NRXN1: variants seen among roughly 807,000 people sequenced by gnomAD.
NRXN1 encodes the protein neurexin-1.
Under a neutral mutation model 150.9 loss-of-function variants are expected in NRXN1, and 39 were observed. That is an observed-to-expected ratio of 0.26 (90% CI 0.20 to 0.34). NRXN1 has a LOEUF of 0.34. Among genes scored for constraint, NRXN1 ranks in the 10% least tolerant of loss-of-function variants. The pLI, the probability that NRXN1 is intolerant of heterozygous loss-of-function variation, is 1.00. For missense variants in NRXN1, 1,815 were observed against 1,949.9 expected, an observed-to-expected ratio of 0.93 and a Z score of 1.30; for synonymous variants, 924 against 757.0, an observed-to-expected ratio of 1.22 and a Z score of -3.62.
chr2:50,773,624 C>T (rs1217217226), intron 5 of NRXN1, among the ~76,000 whole-genome samples: 2 of 152,104 alleles, frequency 1.3e-5, no homozygotes, highest in Non-Finnish European at 2.9e-5. Flanking sequence ...TTCTCAGAAG[C>T]TATAAGCGCC....
intron 2 of NRXN1, among the ~76,000 whole-genome samples, chr2:50,996,813 G>C (rs1699366448): frequency 6.6e-6 from 1 of 151,994 alleles, no homozygotes; most frequent in Non-Finnish European, 1.5e-5. Context: ...AAGATGGAAA[G>C]TTAAAAACCA....
rs570521084 is a variant in NRXN1, at chr2:50,578,132, C to T, written c.1321-25107G>A. On this transcript the variant is annotated intron_variant, in intron 8 of 22. Coordinates refer to ENST00000401669, the MANE Select transcript of NRXN1 (RefSeq NM_001330078.2). ...CAGAATATTATGAGGACACAACGGC[C>T]CTGAAAATCTTCATTTCCAATATTA... is the stretch of plus-strand genomic sequence containing the variant. 3.9e-5 allele frequency among the ~76,000 whole-genome samples: 6 copies of T among 152,236 alleles called. No individual in the cohort carries two copies. In the East Asian group the frequency reaches 1.2e-3, roughly 29 times the overall value.
At chr2:50,465,669 C>A in intron 16 of NRXN1, 108 bp from the exon 17 acceptor site, 2 of 1,213,732 alleles carry the variant, frequency 1.6e-6, no homozygotes, top group South Asian at 1.9e-5. Flanking sequence ...ATGATATGTC[C>A]AAACTAGTTT....
chr2:50,265,170 A>G (rs1024043154), intron 17 of NRXN1, among the ~76,000 whole-genome samples: 26 of 152,122 alleles, frequency 1.7e-4, no homozygotes, highest in South Asian at 6.2e-4. Context: ...AGATAGGCCA[A>G]CTCACCAATT....
At chr2:50,411,714 A>T (rs2083192810) in intron 17 of NRXN1, among the ~76,000 whole-genome samples, 1 of 142,878 alleles carries the variant, frequency 7.0e-6, no homozygotes, top group African/African-American at 2.6e-5. Context: ...GCCCCCGCCC[A>T]GCCGCCACCC....
chr2:50,408,811 G>A (rs1441838241), intron 17 of NRXN1, among the ~76,000 whole-genome samples: 1 of 147,542 alleles, frequency 6.8e-6, no homozygotes, highest in East Asian at 2.0e-4. Context: ...ATCACTGCAA[G>A]TCAAGAGTTG....
chr2:50,632,802 A>G (rs1682570330), intron 5 of NRXN1: 1 of 152,076 alleles, frequency 6.6e-6, no homozygotes, highest in African/African-American at 2.4e-5. Flanking sequence ...TGGAAATAAA[A>G]AGCCCGGGGC....
intron 15 of NRXN1, among the ~76,000 whole-genome samples, chr2:50,474,304 C>T (rs558350076): frequency 4.0e-5 from 6 of 151,766 alleles, no homozygotes; most frequent in African/African-American, 7.2e-5. Flanking sequence ...CTAGACTCTT[C>T]GAGGAATGAA....
chr2:50,573,441 C>T (rs1373519630), intron 8 of NRXN1, among the ~76,000 whole-genome samples: 1 of 151,482 alleles, frequency 6.6e-6, no homozygotes, highest in Non-Finnish European at 1.5e-5. Context: ...GATGGGAAAA[C>T]ATCTCATTTC....
At chr2:50,761,174 A>AT (rs952840028) in intron 5 of NRXN1, among the ~76,000 whole-genome samples, 2 of 149,890 alleles carry the variant, frequency 1.3e-5, no homozygotes, top group African/African-American at 2.5e-5. Context: ...GGTTTATTTT[A>AT]TTTTTTATAT....
intron 2 of NRXN1, among the ~76,000 whole-genome samples, chr2:50,943,162 T>C (rs1241167674): frequency 6.6e-6 from 1 of 152,076 alleles, no homozygotes; most frequent in East Asian, 1.9e-4. Flanking sequence ...TCTGCCATGA[T>C]TGAAAGTCTC....
intron 5 of NRXN1, among the ~76,000 whole-genome samples, chr2:50,741,682 C>CA (rs1699447006): frequency 6.6e-6 from 1 of 152,122 alleles, no homozygotes; most frequent in Non-Finnish European, 1.5e-5. Flanking sequence ...TATGAGGTTT[C>CA]ATGATACTTC....
intron 17 of NRXN1, among the ~76,000 whole-genome samples, chr2:50,278,020 G>A (rs1210381861): frequency 6.8e-6 from 1 of 147,898 alleles, no homozygotes; most frequent in Admixed American, 6.8e-5. Flanking sequence ...ATTGGCCAAA[G>A]ACATTGACCA....
chr2:50,283,629 T>A (rs1337154145), intron 17 of NRXN1, among the ~76,000 whole-genome samples: 1 of 152,092 alleles, frequency 6.6e-6, no homozygotes, highest in Non-Finnish European at 1.5e-5. Context: ...CGATATCAGG[T>A]CTCCTATATA....
intron 18 of NRXN1, among the ~76,000 whole-genome samples, chr2:50,181,593 A>G (rs575880950): frequency 1.3e-5 from 2 of 152,034 alleles, no homozygotes; most frequent in Non-Finnish European, 1.5e-5. Flanking sequence ...AAATTAGACT[A>G]AATAAATTTT....
At chr2:50,033,234 G>A (rs1689450500) in intron 21 of NRXN1, among the ~76,000 whole-genome samples, 5 of 151,756 alleles carry the variant, frequency 3.3e-5, no homozygotes, top group Non-Finnish European at 5.9e-5. Flanking sequence ...GAATACTACA[G>A]GGCTACAATA....
chr2:50,511,223 G>C (rs1305406218), intron 12 of NRXN1, among the ~76,000 whole-genome samples: 1 of 152,056 alleles, frequency 6.6e-6, no homozygotes, highest in Non-Finnish European at 1.5e-5. Context: ...ACCATGCCCA[G>C]CTAATTTTTG....
intron 17 of NRXN1, among the ~76,000 whole-genome samples, chr2:50,242,282 G>A (rs1408843015): frequency 6.6e-6 from 1 of 151,726 alleles, no homozygotes; most frequent in African/African-American, 2.4e-5. Flanking sequence ...CCTATATGGA[G>A]GAATTCTTTG....
chr2:50,014,194 C>T (rs1686196027), intron 21 of NRXN1, among the ~76,000 whole-genome samples: 1 of 151,090 alleles, frequency 6.6e-6, no homozygotes, highest in South Asian at 2.1e-4. Context: ...TGGGGACATT[C>T]CGATTTAATA....
Sources: allele counts gnomAD v4.1 joint callset (sites outside exome capture counted in the v4.1 genomes callset), GRCh38; gene constraint gnomAD v4.1.1; transcripts MANE v1.5; gene names NCBI Gene and HGNC (gene_info 2026-07-23, HGNC 2026-07-21).